The following CTNNA2 variants were observed in gnomAD, a reference collection of about 807,000 sequenced individuals.
The protein encoded by CTNNA2 is catenin alpha 2.
In CTNNA2, 42 loss-of-function variants were observed where a neutral mutation model predicts 101.0. That is an observed-to-expected ratio of 0.42 (90% CI 0.32 to 0.54). CTNNA2 has a LOEUF of 0.54. Among genes scored for constraint, CTNNA2 ranks in the 20% least tolerant of loss-of-function variants. The pLI is 0.14. For missense variants in CTNNA2, 871 were observed against 1,223.1 expected (o/e 0.71, Z 4.29); for synonymous variants, 450 against 456.4 (o/e 0.99, Z 0.18).
At chr2:79,371,672 A>C (rs1328208461) in intron 3 of CTNNA2, among the ~76,000 whole-genome samples, 1 of 152,196 alleles carries the variant, frequency 6.6e-6, no homozygotes, top group Non-Finnish European at 1.5e-5. Context: ...GTCTTCCTAG[A>C]GTGAACTACA....
intron 7 of CTNNA2, among the ~76,000 whole-genome samples, chr2:80,259,298 G>C (rs897665746): frequency 2.0e-5 from 3 of 152,114 alleles, no homozygotes; most frequent in African/African-American, 7.2e-5. Flanking sequence ...TCAGGGTTTT[G>C]AGAGGATGCA....
chr2:79,931,994 C>T (rs1427149251), intron 7 of CTNNA2, among the ~76,000 whole-genome samples: 5 of 152,294 alleles, frequency 3.3e-5, no homozygotes, highest in South Asian at 2.1e-4. Flanking sequence ...AAAATGCATG[C>T]GGTCAGCAAC....
intron 3 of CTNNA2, among the ~76,000 whole-genome samples, chr2:79,854,728 G>A (rs1369080651): frequency 2.0e-5 from 3 of 152,054 alleles, no homozygotes; most frequent in Non-Finnish European, 4.4e-5. Flanking sequence ...AGGCTTTACC[G>A]TGGAAATGTT....
intron 1 of CTNNA2, among the ~76,000 whole-genome samples, chr2:79,583,423 T>A (rs1162982770): frequency 1.3e-5 from 2 of 152,002 alleles, no homozygotes; most frequent in Non-Finnish European, 2.9e-5. Flanking sequence ...TCATTATGAA[T>A]TCCTGGGTTT....
chr2:79,203,866 C>T (rs1674068369), intron 2 of CTNNA2, among the ~76,000 whole-genome samples: 1 of 152,082 alleles, frequency 6.6e-6, no homozygotes, highest in African/African-American at 2.4e-5. Flanking sequence ...TTTGTTCTTC[C>T]CTGTCTCATC....
At chr2:80,432,401 A>G (rs555975171) in intron 9 of CTNNA2, among the ~76,000 whole-genome samples, 1 of 152,318 alleles carries the variant, frequency 6.6e-6, no homozygotes, top group South Asian at 2.1e-4. Context: ...ACTGTTTGTA[A>G]TACAAATGCA....
chr2:80,162,522 C>T, intron 7 of CTNNA2: 2 of 1,603,260 alleles, frequency 1.2e-6, no homozygotes, highest in Non-Finnish European at 1.7e-6. Flanking sequence ...CTCCAGCCAT[C>T]ATGATTCCTA....
chr2:80,187,296 C>T (rs1453485114), intron 7 of CTNNA2, among the ~76,000 whole-genome samples: 1 of 152,062 alleles, frequency 6.6e-6, no homozygotes. Flanking sequence ...TGAAAAGTGC[C>T]AGAAAATGGT....
chr2:79,850,412 TCTCTCCCTC>T (rs1305121133), intron 3 of CTNNA2, among the ~76,000 whole-genome samples: 2 of 142,494 alleles, frequency 1.4e-5, no homozygotes, highest in Admixed American at 7.4e-5. Context: ...CCTTTCTCCT[TCTCTCCCTC>T]CCTCTCTCCC....
At chr2:80,404,091 T>A (rs796763222) in intron 8 of CTNNA2, among the ~76,000 whole-genome samples, 12 of 152,292 alleles carry the variant, frequency 7.9e-5, no homozygotes, top group African/African-American at 2.9e-4. Context: ...GTTATCCTGC[T>A]AGGTTTTGGT....
intron 9 of CTNNA2, among the ~76,000 whole-genome samples, chr2:80,512,229 T>C (rs12714004): frequency 0.4 from 60,143 of 150,534 alleles, 12,409 homozygotes; most frequent in South Asian, 0.44. Flanking sequence ...TCTCATCTGT[T>C]AGATAATGTA....
rs141666578 is a variant in CTNNA2, at chr2:79,978,530, A to G, written c.1056+68733A>G. 2.4e-3 allele frequency among the ~76,000 whole-genome samples: 360 copies of G among 152,290 alleles called. 2 individuals carry two copies. Among genetic ancestry groups the G allele is most frequent in the African/African-American group, 8.2e-3 (339 of 41,568 alleles). ...TAGTTCTGAAGATCAAGTCATGTAA[A>G]GCGTTAGTCACCAGTTGCCTTCATC... On this transcript the variant is annotated intron_variant, in intron 7 of 18. Transcript: ENST00000402739.
At chr2:79,741,208 G>A (rs971021836) in intron 2 of CTNNA2, among the ~76,000 whole-genome samples, 1 of 152,134 alleles carries the variant, frequency 6.6e-6, no homozygotes, top group Non-Finnish European at 1.5e-5. Flanking sequence ...AACTACTTTT[G>A]CTGCTTCCAT....
chr2:79,645,383 G>T (rs1351961526), intron 1 of CTNNA2, among the ~76,000 whole-genome samples: 2 of 151,678 alleles, frequency 1.3e-5, no homozygotes, highest in Non-Finnish European at 2.9e-5. Flanking sequence ...AGGTCATTAA[G>T]CCAGTATTAT....
rs574441427 is a variant in CTNNA2, at chr2:80,419,624, A to G, written c.1290+23A>G. On this transcript the variant is annotated intron_variant, in intron 9 of 18. Transcript: ENST00000402739. ...GAGGTAAGTGTGGAGGGGCCTGAAG[A>G]CTAGAGTTTACCGATGGGTTCAATC... 83 of 1,611,788 alleles carry G rather than the reference A, an allele frequency of 5.1e-5. 2 individuals carry two copies. In the South Asian group the frequency reaches 8.3e-4, roughly 16 times the overall value.
chr2:80,014,454 C>T (rs1693997825), intron 7 of CTNNA2, among the ~76,000 whole-genome samples: 2 of 151,608 alleles, frequency 1.3e-5, no homozygotes, highest in South Asian at 4.2e-4. Flanking sequence ...TATAATAAAG[C>T]CTTATGCTTA....
intron 17 of CTNNA2, among the ~76,000 whole-genome samples, chr2:80,618,283 AT>A (rs906055116): frequency 4.6e-5 from 7 of 151,796 alleles, no homozygotes; most frequent in African/African-American, 1.4e-4. Flanking sequence ...GTGACAGTGC[AT>A]TTTTTTATGA....
chr2:79,649,073 T>A lies in CTNNA2; in HGVS notation c.-5-2479T>A, dbSNP rs534458731. ...GACCTTCAGGACTGAAGGCCCTAAC[T>A]AACACTTGCTTCTTGGCTCATAGTT... On this transcript the variant is annotated intron_variant, in intron 1 of 18. Transcript: ENST00000402739. 3.9e-5 allele frequency among the ~76,000 whole-genome samples: 6 copies of A among 152,236 alleles called. No individual in the cohort carries two copies. The East Asian group carries it at 1.2e-3, about 30-fold the overall frequency.
intron 4 of CTNNA2, among the ~76,000 whole-genome samples, chr2:79,421,787 G>A (rs553267670): frequency 6.6e-6 from 1 of 152,256 alleles, no homozygotes; most frequent in South Asian, 2.1e-4. Context: ...TAGTCAGGCT[G>A]TAGGATGTTA....
Sources: allele counts gnomAD v4.1 joint callset (sites outside exome capture counted in the v4.1 genomes callset), GRCh38; gene constraint gnomAD v4.1.1; transcripts MANE v1.5; gene names NCBI Gene and HGNC (gene_info 2026-07-23, HGNC 2026-07-21).